The following ADAMTS13 variants were observed in gnomAD, a reference collection of about 807,000 sequenced individuals.
The protein encoded by ADAMTS13 is ADAM metallopeptidase with thrombospondin type 1 motif 13.
Under a neutral mutation model 155.1 loss-of-function variants are expected in ADAMTS13, and 110 were observed. That is an observed-to-expected ratio of 0.71 (90% CI 0.61 to 0.83). ADAMTS13 has a LOEUF of 0.83. Among genes scored for constraint, ADAMTS13 ranks in the 40% least tolerant of loss-of-function variants. The pLI, the probability that ADAMTS13 is intolerant of heterozygous loss-of-function variation, is 0.00. For missense variants in ADAMTS13, 1,707 were observed against 1,891.7 expected (o/e 0.90, Z 1.81); for synonymous variants, 758 against 756.4 (o/e 1.00, Z -0.03).
chr9:133,436,097 G>A (rs587604554), intron 11 of ADAMTS13, among the ~76,000 whole-genome samples: 1 of 150,114 alleles, frequency 6.7e-6, no homozygotes, highest in African/African-American at 2.5e-5. Context: ...GATTACACGC[G>A]TGAGCCATGG....
At position 133,443,406 on chromosome 9, in the gene ADAMTS13, C is replaced by T. The variant is rs372033921; in HGVS notation, c.2265C>T (p.Ser755=). The T allele has an allele frequency of 1.6e-5, 26 of 1,598,888 alleles. No individual in the cohort carries two copies. In the African/African-American group the frequency reaches 2.0e-4, roughly 12 times the overall value. The change falls in exon 19 of 29, where the codon AGC becomes AGT. Residue 755 remains serine, a synonymous_variant. Coordinates refer to ENST00000355699, the MANE Select transcript of ADAMTS13 (RefSeq NM_139027.6). ...YWAVGDFGPC[S]ASCGGGLRER... ...CGGTGGGAGACTTCGGCCCATGCAG[C>T]GCCTCCTGTGGGGGTGGCCTGCGGG... is the stretch of plus-strand genomic sequence containing the variant.
At chr9:133,423,028 G>C (rs372984062) in intron 1 of ADAMTS13, 73 bp from the exon 2 acceptor site, 2 of 1,348,156 alleles carry the variant, frequency 1.5e-6, no homozygotes, top group East Asian at 4.7e-5. Context: ...CTCCCACCTC[G>C]GTCTCCCCAA....
chr9:133,449,139 G>A (rs1842265088), intron 22 of ADAMTS13, among the ~76,000 whole-genome samples: 1 of 152,202 alleles, frequency 6.6e-6, no homozygotes, highest in Non-Finnish European at 1.5e-5. Context: ...AATGCAATGA[G>A]TGTAAAATGC....
Position 133,437,858 on chromosome 9 carries a change from G to A in ADAMTS13, c.1545G>A (p.Glu515=). The A allele has an allele frequency of 6.2e-7, 1 of 1,613,908 alleles. No individual in the cohort carries two copies. The highest frequency in any genetic ancestry group is 8.5e-7 in the Non-Finnish European group (1 of 1,180,022). ...GTRCMPSGPR[E]DGTLSLCVSG... is the part of the protein sequence containing the mutation. Reference sequence around the variant, plus strand: ...GGTGTATGCCAAGTGGCCCCCGGGAGGACGGGACCCTGAGCCTGTGTGTGT... The same window carrying A: ...GGTGTATGCCAAGTGGCCCCCGGGAAGACGGGACCCTGAGCCTGTGTGTGT... Residue 515 remains glutamate (E), a synonymous_variant, in exon 13 of 29, where the codon GAG becomes GAA. Coordinates refer to ENST00000355699, the MANE Select transcript of ADAMTS13 (RefSeq NM_139027.6).
chr9:133,433,305 C>G, intron 9 of ADAMTS13, 73 bp from the exon 10 acceptor site: 1 of 1,595,480 alleles, frequency 6.3e-7, no homozygotes, highest in Non-Finnish European at 8.5e-7. Context: ...TGTTGGGGGA[C>G]TCTCTGTGTG....
Position 133,424,071 on chromosome 9 carries a change from A to C in ADAMTS13, c.173-250A>C, listed in dbSNP as rs879284640. On this transcript the variant is annotated intron_variant, in intron 2 of 28. Transcript: ENST00000355699. This position sits in a 1 kb window ranked among gnomAD's most constrained non-coding sequence, Gnocchi z 4.3. ...GGCAGGGGCTTTCCCCTTTGGGCAG[A>C]GCCACCAGGGCAGTGGGAATCTTGT... Among the ~76,000 whole-genome samples the C allele has an allele frequency of 2.0e-5, 3 of 152,228 alleles. No homozygotes were observed. The highest frequency in any genetic ancestry group is 4.8e-5 in the African/African-American group (2 of 41,464).
chr9:133,419,851 G>C (rs1196165425), upstream of ADAMTS13, among the ~76,000 whole-genome samples: 3 of 151,836 alleles, frequency 2.0e-5, no homozygotes, highest in East Asian at 5.8e-4. Flanking sequence ...CGATTCTCCT[G>C]CCTCAGCCTC....
rs782219524 is a variant in ADAMTS13, at chr9:133,444,850, A to G, written c.2421-13A>G. ...AGAGGCAGGGCCTGATGACTGTCTC[A>G]TGCCATCCTCAGGTGGGAGGTGTCA... On this transcript the variant is annotated splice_polypyrimidine_tract_variant and intron_variant, in intron 19 of 28. Transcript: ENST00000355699. 3 of 1,612,412 alleles carry G rather than the reference A, an allele frequency of 1.9e-6. No individual in the cohort carries two copies. The highest frequency in any genetic ancestry group is 1.7e-6 in the Non-Finnish European group (2 of 1,179,902).
intron 28 of ADAMTS13, among the ~76,000 whole-genome samples, chr9:133,458,427 G>A (rs1231697753): frequency 1.3e-5 from 2 of 151,880 alleles, no homozygotes; most frequent in Non-Finnish European, 2.9e-5. Flanking sequence ...ATGGTGGCGT[G>A]TGCCTGTAAT....
chr9:133,414,821 T>C (rs782023241), intron 1 of ADAMTS13: 1 of 1,614,174 alleles, frequency 6.2e-7, no homozygotes, highest in South Asian at 1.1e-5. Flanking sequence ...CGCCCTCCTG[T>C]CCATCTTGGA....
chr9:133,451,639 T>C (rs1842440038), intron 23 of ADAMTS13, among the ~76,000 whole-genome samples: 1 of 152,160 alleles, frequency 6.6e-6, no homozygotes, highest in African/African-American at 2.4e-5. Context: ...GCCTGTAATC[T>C]CAGCACTTCA....
intron 27 of ADAMTS13, among the ~76,000 whole-genome samples, chr9:133,457,709 C>T (rs1842828464): frequency 6.6e-6 from 1 of 152,228 alleles, no homozygotes. Flanking sequence ...GAGGAGGGAA[C>T]CAGAGCCCAG....
Position 133,448,716 on chromosome 9 carries a change from C to T in ADAMTS13, c.2849C>T (p.Pro950Leu), listed in dbSNP as rs372449678. The T allele has an allele frequency of 1.4e-5, 23 of 1,601,902 alleles. No individual in the cohort carries two copies. The Admixed American group carries it at 2.0e-4, about 14-fold the overall frequency. ...CGGCGGGAGGTCTGCCAGGCTGTCC[C>T]GTGCCCTGCTCGGTGAGTGAGGGGA... ...GSRREVCQAV[P>L]CPARWQYKLA... The change falls in exon 22 of 29, where the codon CCG (proline) becomes CTG (leucine). Residue 950 changes from proline (P) to leucine (L), a missense_variant. Transcript: ENST00000355699.
rs782547778 is a variant in ADAMTS13 at position 133,425,507 on chromosome 9, T to A, written c.331-22T>A. 1.2e-6 allele frequency: 2 copies of A among 1,608,268 alleles called. No homozygotes were observed. The highest frequency in any genetic ancestry group is 2.7e-5 in the African/African-American group (2 of 74,760). On this transcript the variant is annotated intron_variant, in intron 3 of 28. Transcript: ENST00000355699. The surrounding 1 kb of genome is among the most constrained non-coding windows in gnomAD (Gnocchi z 4.6). ...GGCAATGCCCACCCGACGGGTTACC[T>A]CTCTCATCTGCCCTTGCACAGGGGG...
Position 133,414,773 on chromosome 9 carries a change from T to C in ADAMTS13, n.287+129T>C, listed in dbSNP as rs781910782. Reference sequence around the variant, plus strand: ...TGTCCTTTCCTTGGTTCCTTTCTTATTGTGCTCTGTTCCACTGGCCTTGGT... The same window carrying C: ...TGTCCTTTCCTTGGTTCCTTTCTTACTGTGCTCTGTTCCACTGGCCTTGGT... On this transcript the variant is annotated intron_variant and non_coding_transcript_variant, in intron 1 of 17. Transcript: ENST00000485925. 8.1e-6 allele frequency: 13 copies of C among 1,614,214 alleles called. No individual in the cohort carries two copies. Among genetic ancestry groups the C allele is most frequent in the South Asian group, 5.5e-5 (5 of 91,076 alleles).
At chr9:133,450,084 G>C (rs1446785029) in intron 23 of ADAMTS13, 119 bp downstream of exon 23, 2 of 1,252,800 alleles carry the variant, frequency 1.6e-6, no homozygotes, top group Non-Finnish European at 2.2e-6. Context: ...AACCACTTGA[G>C]TCCAGGAGTG....
At chr9:133,429,715 G>T (rs1564413679) in intron 7 of ADAMTS13, 1 of 707,980 alleles carries the variant, frequency 1.4e-6, no homozygotes, top group East Asian at 2.7e-5. Flanking sequence ...TCCCTCCGTC[G>T]CCGCTCCCTC....
At position 133,424,611 on chromosome 9, in the gene ADAMTS13, C is replaced by A; in HGVS notation, c.330+133C>A. ...AGAATGGCTCGGGGTTCTTCCTCTT[C>A]TCCCTCCCTCCCCTGGGTGGAGGTG... On this transcript the variant is annotated intron_variant, in intron 3 of 28. Coordinates refer to ENST00000355699, the MANE Select transcript of ADAMTS13 (RefSeq NM_139027.6). The surrounding 1 kb of genome is among the most constrained non-coding windows in gnomAD (Gnocchi z 4.3). 1 of 1,339,260 alleles carries A rather than the reference C, an allele frequency of 7.5e-7. No homozygotes were observed. The highest frequency in any genetic ancestry group is 1.0e-6 in the Non-Finnish European group (1 of 970,244). 83.0% of individuals were successfully genotyped at this position (1,339,260 alleles called of 1,614,324 possible).
intron 11 of ADAMTS13, 142 bp from the exon 12 acceptor site, chr9:133,436,687 G>T: frequency 1.2e-6 from 1 of 842,440 alleles, no homozygotes; most frequent in Non-Finnish European, 1.9e-6. Context: ...CCAGTTTACA[G>T]AGCAGGGAAC....
Sources: allele counts gnomAD v4.1 joint callset (sites outside exome capture counted in the v4.1 genomes callset), GRCh38; gene constraint gnomAD v4.1.1; non-coding constraint Gnocchi (gnomAD v3.1); transcripts MANE v1.5; gene names NCBI Gene and HGNC (gene_info 2026-07-23, HGNC 2026-07-21).